The following RBFOX1 variants were observed in gnomAD, a reference collection of about 807,000 sequenced individuals.
RBFOX1 encodes the protein RNA binding fox-1 homolog 1, also known as RNA binding protein fox-1 homolog 1.
RBFOX1 carries 8 observed loss-of-function variants against 57.7 expected under a neutral mutation model. The ratio of observed to expected loss-of-function variants is 0.14; its 90% CI spans 0.08 to 0.25. The LOEUF is 0.25. Ranked by LOEUF, RBFOX1 falls within the 10% of genes least tolerant of loss-of-function variation. The pLI is 1.00. For missense variants in RBFOX1, 611 were observed against 548.5 expected (o/e 1.11, Z -1.14); for synonymous variants, 326 against 222.4 (o/e 1.47, Z -4.15).
chr16:6,617,313 A>G (rs2098157613), intron 2 of RBFOX1, among the ~76,000 whole-genome samples: 1 of 152,018 alleles, frequency 6.6e-6, no homozygotes, highest in Non-Finnish European at 1.5e-5. Flanking sequence ...GAGGTCTACA[A>G]AGCCTCAAAA....
intron 1 of RBFOX1, among the ~76,000 whole-genome samples, chr16:6,096,005 G>T (rs2096241433): frequency 6.6e-6 from 1 of 152,220 alleles, no homozygotes; most frequent in Admixed American, 6.5e-5. Flanking sequence ...CTGCCCCAAA[G>T]GTGGCCCTTT....
intron 5 of RBFOX1, among the ~76,000 whole-genome samples, chr16:7,553,418 T>A (rs1190654831): frequency 6.6e-6 from 1 of 152,212 alleles, no homozygotes; most frequent in Admixed American, 6.6e-5. Flanking sequence ...GCACTGGGAT[T>A]ACAGGCATGA....
intron 4 of RBFOX1, among the ~76,000 whole-genome samples, chr16:5,937,440 C>G (rs1366989602): frequency 6.6e-6 from 1 of 152,022 alleles, no homozygotes; most frequent in Non-Finnish European, 1.5e-5. Flanking sequence ...ACGTTTATTT[C>G]TGTTTGGGAG....
chr16:6,482,968 A>T (rs1234019113), intron 2 of RBFOX1, among the ~76,000 whole-genome samples: 1 of 152,208 alleles, frequency 6.6e-6, no homozygotes, highest in Non-Finnish European at 1.5e-5. Context: ...AAGGTGCCCT[A>T]TTCTGTCATG....
chr16:6,753,889 A>G (rs776444495), intron 3 of RBFOX1, among the ~76,000 whole-genome samples: 3 of 152,134 alleles, frequency 2.0e-5, no homozygotes, highest in Admixed American at 1.3e-4. Context: ...GTCATTTGTC[A>G]TAAAATCATT....
chr16:7,404,448 G>A (rs1222409448), intron 4 of RBFOX1, among the ~76,000 whole-genome samples: 1 of 152,226 alleles, frequency 6.6e-6, no homozygotes, highest in Non-Finnish European at 1.5e-5. Context: ...TCTTAGAGGT[G>A]AATGATGACG....
chr16:5,943,821 C>G (rs967110522), intron 4 of RBFOX1, among the ~76,000 whole-genome samples: 3 of 152,168 alleles, frequency 2.0e-5, no homozygotes, highest in Non-Finnish European at 4.4e-5. Context: ...ACCCACTCAC[C>G]CATCCATCGA....
intron 4 of RBFOX1, among the ~76,000 whole-genome samples, chr16:5,949,615 T>C (rs2059478955): frequency 6.6e-6 from 1 of 152,108 alleles, no homozygotes; most frequent in African/African-American, 2.4e-5. Context: ...TCTTTTGTGT[T>C]GTAGCATGGG....
intron 3 of RBFOX1, among the ~76,000 whole-genome samples, 176 bp downstream of exon 3, chr16:6,654,826 G>T (rs79114175): frequency 0.04 from 6,128 of 152,110 alleles, 294 homozygotes; most frequent in East Asian, 0.099. Context: ...TTTACAATCT[G>T]TGTTACTTCT....
At chr16:5,339,421 A>G (rs1360762570) in intron 1 of RBFOX1, among the ~76,000 whole-genome samples, 1 of 132,144 alleles carries the variant, frequency 7.6e-6, no homozygotes, top group African/African-American at 2.8e-5. Context: ...ATGCTGGTTT[A>G]TGGTGAAGAA....
chr16:6,982,650 G>C (rs1336287257), intron 3 of RBFOX1, among the ~76,000 whole-genome samples: 1 of 152,156 alleles, frequency 6.6e-6, no homozygotes, highest in African/African-American at 2.4e-5. Flanking sequence ...GTCACATTGA[G>C]TATTCACAGT....
chr16:7,502,506 G>C (rs770808991), intron 4 of RBFOX1, among the ~76,000 whole-genome samples: 3 of 152,282 alleles, frequency 2.0e-5, no homozygotes, highest in South Asian at 4.1e-4. Flanking sequence ...CTATGTTTAC[G>C]TACCCAGCTT....
chr16:6,653,201 A>C (rs936553401), intron 2 of RBFOX1, among the ~76,000 whole-genome samples: 10 of 152,224 alleles, frequency 6.6e-5, no homozygotes, highest in Middle Eastern at 3.4e-3. Flanking sequence ...AATCAACATC[A>C]ACATCGTATT....
In RBFOX1 at chr16:5,959,547, A is replaced by C. The variant is rs12325221; in HGVS notation, c.351+92212A>C. Among the ~76,000 whole-genome samples the C allele has an allele frequency of 3.3e-3, 505 of 152,358 alleles. 3 individuals carry two copies. The highest frequency in any genetic ancestry group is 0.012 in the African/African-American group (489 of 41,578). ...AAAAAGGAAATTTGTATAAAAGTCC[A>C]AAACAGAATTTCTTTATTTAAGTTT... On this transcript the variant is annotated intron_variant, in intron 4 of 19. Coordinates refer to the RBFOX1 transcript ENST00000641259.
chr16:7,077,916 C>G (rs924866729), intron 4 of RBFOX1, among the ~76,000 whole-genome samples: 4 of 152,042 alleles, frequency 2.6e-5, no homozygotes, highest in Non-Finnish European at 4.4e-5. Flanking sequence ...ATTGAGGAGC[C>G]AAAATGTTTG....
intron 3 of RBFOX1, among the ~76,000 whole-genome samples, chr16:6,877,061 T>A (rs2061978199): frequency 2.0e-5 from 3 of 152,236 alleles, no homozygotes; most frequent in Admixed American, 2.0e-4. Flanking sequence ...ATTTTGTGTT[T>A]GCTTCATAAC....
intron 3 of RBFOX1, among the ~76,000 whole-genome samples, chr16:7,021,434 ATG>A (rs2039033468): frequency 1.4e-5 from 2 of 145,028 alleles, no homozygotes; most frequent in South Asian, 4.2e-4. Flanking sequence ...ATTTGTATAT[ATG>A]TTTTATATAT....
chr16:5,953,430 A>T (rs367725343), intron 4 of RBFOX1, among the ~76,000 whole-genome samples: 2 of 152,054 alleles, frequency 1.3e-5, no homozygotes, highest in Non-Finnish European at 2.9e-5. Context: ...AGATTTTGGT[A>T]CATCTATCAC....
At chr16:6,284,872 G>T (rs981917360) in intron 1 of RBFOX1, among the ~76,000 whole-genome samples, 1 of 152,108 alleles carries the variant, frequency 6.6e-6, no homozygotes, top group Non-Finnish European at 1.5e-5. Context: ...TCTCATTAAA[G>T]GCTTATTAAC....
Sources: gnomAD v4.1 joint callset for allele counts (sites outside exome capture counted in the v4.1 genomes callset) on GRCh38, gnomAD v4.1.1 for gene constraint, MANE v1.5 for transcripts, NCBI Gene and HGNC (gene_info 2026-07-23, HGNC 2026-07-21) for gene names.